The following RPS6KA2 variants were observed in gnomAD, a reference collection of about 807,000 sequenced individuals.
RPS6KA2 encodes the protein ribosomal protein S6 kinase A2.
RPS6KA2 carries 42 observed loss-of-function variants against 91.8 expected under a neutral mutation model. The ratio of observed to expected loss-of-function variants is 0.46; its 90% CI spans 0.36 to 0.59. RPS6KA2 has a LOEUF of 0.59. RPS6KA2 is among the 20% of genes least tolerant of loss of function. RPS6KA2 has a pLI of 0.00. For missense variants in RPS6KA2, 798 were observed against 978.5 expected, an observed-to-expected ratio of 0.82 and a Z score of 2.46; for synonymous variants, 414 against 393.6, an observed-to-expected ratio of 1.05 and a Z score of -0.61.
In RPS6KA2 at chr6:166,437,648, C is replaced by T. The variant is rs1779373851; in HGVS notation, c.1333-5158G>A. Among the ~76,000 whole-genome samples, 1 of 152,204 alleles carries T rather than the reference C, an allele frequency of 6.6e-6. No homozygotes were observed. Among genetic ancestry groups the T allele is most frequent in the Non-Finnish European group, 1.5e-5 (1 of 68,042 alleles). ...AATATTTCCACCTTCCTTAGAGATG[C>T]TGAGTCTAGGGGTCTGAATATCCAC... On this transcript the variant is annotated intron_variant, in intron 14 of 20. Coordinates refer to ENST00000265678, the MANE Select transcript of RPS6KA2 (RefSeq NM_021135.6). This position sits in a 1 kb window ranked among gnomAD's most constrained non-coding sequence, Gnocchi z 4.3.
At chr6:166,542,586 T>C (rs1321340422) in intron 1 of RPS6KA2, 1 of 152,224 alleles carries the variant, frequency 6.6e-6, no homozygotes, top group Non-Finnish European at 1.5e-5. Context: ...TAAATGATGT[T>C]TGAATGTGAC....
At chr6:166,643,392 C>T (rs1288509482) in intron 2 of RPS6KA2, among the ~76,000 whole-genome samples, 3 of 152,166 alleles carry the variant, frequency 2.0e-5, no homozygotes, top group South Asian at 4.1e-4. Flanking sequence ...GAAATAGATA[C>T]ATCATGCAAA....
chr6:166,688,598 C>A (rs1789096488), intron 2 of RPS6KA2, among the ~76,000 whole-genome samples: 1 of 152,224 alleles, frequency 6.6e-6, no homozygotes, highest in African/African-American at 2.4e-5. Context: ...AGGAGAGGGG[C>A]ACACAGTGTC....
At chr6:166,598,447 G>A (rs1384056486) in intron 1 of RPS6KA2, among the ~76,000 whole-genome samples, 2 of 152,246 alleles carry the variant, frequency 1.3e-5, no homozygotes, top group East Asian at 3.8e-4. Context: ...TCTCTACCAA[G>A]TAGATAGGCA....
intron 1 of RPS6KA2, among the ~76,000 whole-genome samples, chr6:166,580,053 C>T (rs941321053): frequency 6.6e-6 from 1 of 152,228 alleles, no homozygotes; most frequent in East Asian, 1.9e-4. Context: ...TGACTCAGCC[C>T]GGAGGTTCTG....
chr6:166,528,179 A>G (rs1267108873), intron 3 of RPS6KA2, among the ~76,000 whole-genome samples: 1 of 152,234 alleles, frequency 6.6e-6, no homozygotes, highest in African/African-American at 2.4e-5. Context: ...ACAAATGTCT[A>G]ATTTAACTTC....
rs562205826 is a variant in RPS6KA2 at position 166,653,471 on chromosome 6, G to A, written c.124-114687C>T. ...GTTATTGAATCAGACACGAGAAGAC[G>A]GAATCGACATGGCAATCAGCATTTA... On this transcript the variant is annotated intron_variant, in intron 2 of 21. Coordinates refer to the RPS6KA2 transcript ENST00000503859. 6.6e-5 allele frequency among the ~76,000 whole-genome samples: 10 copies of A among 152,326 alleles called. No homozygotes were observed. The South Asian group carries it at 1.4e-3, about 22-fold the overall frequency.
At chr6:166,562,754 C>T (rs888454260) in intron 1 of RPS6KA2, among the ~76,000 whole-genome samples, 1 of 152,222 alleles carries the variant, frequency 6.6e-6, no homozygotes, top group African/African-American at 2.4e-5. Context: ...CTGGAAGTCT[C>T]CAGGTGGGAC....
intron 2 of RPS6KA2, among the ~76,000 whole-genome samples, chr6:166,714,448 C>T (rs1446271870): frequency 6.6e-6 from 1 of 152,188 alleles, no homozygotes; most frequent in African/African-American, 2.4e-5. Context: ...CGTTGATGTC[C>T]TAACCTCTGG....
At chr6:166,779,246 A>G (rs1354861047) in intron 2 of RPS6KA2, among the ~76,000 whole-genome samples, 25 of 152,226 alleles carry the variant, frequency 1.6e-4, no homozygotes, top group Non-Finnish European at 2.9e-5. Context: ...AGCAGGGGTC[A>G]ATCCCAAAAT....
intron 16 of RPS6KA2, among the ~76,000 whole-genome samples, chr6:166,428,279 C>T (rs1322276888): frequency 6.0e-5 from 9 of 150,164 alleles, no homozygotes; most frequent in African/African-American, 2.0e-4. Flanking sequence ...GGATCCCTTC[C>T]TTACACCTTA....
rs769692432 is a variant in RPS6KA2, at chr6:166,510,363, A to G, written c.299-6T>C. The G allele has an allele frequency of 1.3e-6, 2 of 1,576,180 alleles. No individual in the cohort carries two copies. The highest frequency in any genetic ancestry group is 1.2e-5 in the South Asian group (1 of 86,862). ...CGATCTCACTCGGTCCCGAACTGCA[A>G]AGTAAAAAGATAAAGGCTTTCATGA... On this transcript the variant is annotated splice_polypyrimidine_tract_variant and splice_region_variant and intron_variant, in intron 3 of 20. Transcript: ENST00000265678.
chr6:166,465,955 C>A (rs1220394986), intron 11 of RPS6KA2, among the ~76,000 whole-genome samples: 3 of 152,172 alleles, frequency 2.0e-5, no homozygotes, highest in East Asian at 1.9e-4. Flanking sequence ...GGGTTCAGGG[C>A]GCTGGGCAGA....
At chr6:166,553,744 A>G (rs1384554686) in intron 1 of RPS6KA2, among the ~76,000 whole-genome samples, 1 of 152,122 alleles carries the variant, frequency 6.6e-6, no homozygotes, top group African/African-American at 2.4e-5. Context: ...GCACTGCTTT[A>G]AACAGACTTG....
intron 1 of RPS6KA2, among the ~76,000 whole-genome samples, chr6:166,598,812 T>A (rs1785630203): frequency 6.6e-6 from 1 of 152,224 alleles, no homozygotes; most frequent in Non-Finnish European, 1.5e-5. Flanking sequence ...ACAGCACCGC[T>A]CTTTCCTACC....
chr6:166,585,167 G>A, intron 1 of RPS6KA2, among the ~76,000 whole-genome samples: 1 of 152,196 alleles, frequency 6.6e-6, no homozygotes, highest in Non-Finnish European at 1.5e-5. Context: ...AGAATGCCCT[G>A]AAATACATGA....
At chr6:166,656,332 G>A (rs2128555714) in intron 2 of RPS6KA2, among the ~76,000 whole-genome samples, 1 of 152,352 alleles carries the variant, frequency 6.6e-6, no homozygotes, top group East Asian at 1.9e-4. Flanking sequence ...AACAAGAGAG[G>A]GAGTGGGCAG....
At chr6:166,457,742 C>T (rs931133698) in intron 12 of RPS6KA2, among the ~76,000 whole-genome samples, 5 of 152,172 alleles carry the variant, frequency 3.3e-5, no homozygotes, top group Admixed American at 6.5e-5. Context: ...TATCTGCACA[C>T]GCTCACACCC....
chr6:166,456,447 G>T (rs1780109705), intron 12 of RPS6KA2, among the ~76,000 whole-genome samples: 1 of 152,232 alleles, frequency 6.6e-6, no homozygotes, highest in Admixed American at 6.5e-5. Context: ...GGTCCTGTGG[G>T]TATTTCCTGA....
Sources: gnomAD v4.1 joint callset for allele counts (sites outside exome capture counted in the v4.1 genomes callset) on GRCh38, gnomAD v4.1.1 for gene constraint, Gnocchi (gnomAD v3.1) non-coding constraint, MANE v1.5 for transcripts, NCBI Gene and HGNC (gene_info 2026-07-23, HGNC 2026-07-21) for gene names.